PARP11: variants seen among roughly 807,000 people sequenced by gnomAD.
PARP11 encodes poly(ADP-ribose) polymerase family member 11.
PARP11 carries 31 observed loss-of-function variants against 42.9 expected under a neutral mutation model. The ratio of observed to expected loss-of-function variants is 0.72; its 90% CI spans 0.54 to 0.98. PARP11 has a LOEUF of 0.98. PARP11 is among the 50% of genes least tolerant of loss of function. The pLI, the probability that PARP11 is intolerant of heterozygous loss-of-function variation, is 0.00. For missense variants in PARP11, 365 were observed against 413.1 expected (o/e 0.88, Z 1.01); for synonymous variants, 137 against 127.3 (o/e 1.08, Z -0.51).
At chr12:3,863,010 T>C (rs73045099) in intron 1 of PARP11, among the ~76,000 whole-genome samples, 12,924 of 152,238 alleles carry the variant, frequency 0.085, 723 homozygotes, top group Non-Finnish European at 0.13. Context: ...ATGAATAAAT[T>C]ATATCTTTCG....
At chr12:3,847,125 TAAAG>T (rs1234994154) in intron 1 of PARP11, among the ~76,000 whole-genome samples, 8 of 151,580 alleles carry the variant, frequency 5.3e-5, no homozygotes, top group Admixed American at 2.6e-4. Context: ...AGAGGAAAAA[TAAAG>T]AAAATTAAAC....
chr12:3,841,527 T>C (rs1211999078), intron 1 of PARP11: 11 of 1,592,154 alleles, frequency 6.9e-6, no homozygotes, highest in East Asian at 2.2e-5. Flanking sequence ...AGCCAGTGAT[T>C]GGACCGCCGA....
At chr12:3,867,176 ACT>A (rs1487210021) in intron 1 of PARP11, among the ~76,000 whole-genome samples, 1 of 152,202 alleles carries the variant, frequency 6.6e-6, no homozygotes, top group Non-Finnish European at 1.5e-5. Flanking sequence ...AAAAACATAC[ACT>A]GTTATGTTAC....
intron 1 of PARP11, among the ~76,000 whole-genome samples, chr12:3,830,247 T>C (rs1165221505): frequency 6.6e-6 from 1 of 152,198 alleles, no homozygotes; most frequent in East Asian, 1.9e-4. Context: ...AGGTAGAATA[T>C]GCCAGTGTCT....
intron 1 of PARP11, chr12:3,842,513 C>T: frequency 3.5e-5 from 55 of 1,577,594 alleles, no homozygotes; most frequent in Non-Finnish European, 4.7e-5. Context: ...GGACAGCACG[C>T]TTGACGGTTG....
rs1216247351 is a variant in PARP11 at position 3,809,887 on chromosome 12, TC to T, written c.*2235del. The T allele has an allele frequency of 6.6e-6, 1 of 152,186 alleles. No homozygotes were observed. Among genetic ancestry groups the T allele is most frequent in the Non-Finnish European group, 1.5e-5 (1 of 68,030 alleles). 9.4% of individuals were successfully genotyped at this position (152,186 alleles called of 1,614,324 possible). On this transcript the variant is annotated 3_prime_UTR_variant, in exon 8 of 8. Transcript: ENST00000228820. ...TTTTCTAAATATTCTCAGCACTTCATCTAAACCAGCAGCTGGGGTGCATACC... is the reference window on the plus strand; with the variant it reads ...TTTTCTAAATATTCTCAGCACTTCATTAAACCAGCAGCTGGGGTGCATACC...
chr12:3,845,032 G>T (rs1378496415), intron 1 of PARP11, among the ~76,000 whole-genome samples: 1 of 148,358 alleles, frequency 6.7e-6, no homozygotes, highest in African/African-American at 2.5e-5. Flanking sequence ...TTTTGAGTTG[G>T]AAATTATGAA....
chr12:3,809,715 G>T lies in PARP11; in HGVS notation c.*2408C>A, dbSNP rs1186494762. 6.6e-6 allele frequency: 1 copy of T among 152,166 alleles called. No individual in the cohort carries two copies. The highest frequency in any genetic ancestry group is 2.4e-5 in the African/African-American group (1 of 41,442). The allele number at this position is 152,166 out of a possible 1,614,324, so 9.4% of individuals were successfully genotyped here. ...TAAATTACAAATAAATCGAAAAAAA[G>T]ATTTTCAAAACCTGAATTCCTAATG... On this transcript the variant is annotated 3_prime_UTR_variant, in exon 8 of 8. Coordinates refer to ENST00000228820, the MANE Select transcript of PARP11 (RefSeq NM_020367.6).
At chr12:3,865,826 G>A (rs1278122739) in intron 1 of PARP11, among the ~76,000 whole-genome samples, 2 of 147,768 alleles carry the variant, frequency 1.4e-5, no homozygotes, top group African/African-American at 4.9e-5. Context: ...TGGGGTGTTT[G>A]ATCCATTTAC....
intron 1 of PARP11, among the ~76,000 whole-genome samples, chr12:3,836,152 C>T (rs1947756835): frequency 6.6e-6 from 1 of 151,720 alleles, no homozygotes; most frequent in African/African-American, 2.4e-5. Context: ...CAAATGCAGA[C>T]ACATCAAAGT....
At chr12:3,862,198 C>G (rs963648409) in intron 1 of PARP11, among the ~76,000 whole-genome samples, 1 of 152,040 alleles carries the variant, frequency 6.6e-6, no homozygotes, top group African/African-American at 2.4e-5. Context: ...GAGGCTGCAC[C>G]CAGAAGATTG....
chr12:3,812,350 T>G lies in PARP11; in HGVS notation c.790A>C (p.Ser264Arg), dbSNP rs964634885. ...HGNTFQIHGVSLQQRHLFRTY... is the reference protein window; with the variant it reads ...HGNTFQIHGVRLQQRHLFRTY... ...CTAAACAGATGCCGCTGTTGCAAGC[T>G]GACACCATGAATTTGGAATGTGTTC... is the stretch of plus-strand genomic sequence containing the variant. The change falls in exon 8 of 8, where the codon AGC (serine) becomes CGC (arginine). Residue 264 changes from serine (S) to arginine (R), a missense_variant. By Grantham distance (110) the Ser-to-Arg change is moderately radical. Coordinates refer to ENST00000228820, the MANE Select transcript of PARP11 (RefSeq NM_020367.6). 1 of 1,614,178 alleles carries G rather than the reference T, an allele frequency of 6.2e-7. No homozygotes were observed. Among genetic ancestry groups the G allele is most frequent in the Non-Finnish European group, 8.5e-7 (1 of 1,179,988 alleles).
At chr12:3,833,812 C>A (rs1242256057) in intron 1 of PARP11, among the ~76,000 whole-genome samples, 1 of 152,132 alleles carries the variant, frequency 6.6e-6, no homozygotes, top group Non-Finnish European at 1.5e-5. Flanking sequence ...TATTATGAAG[C>A]CTCTACCTGC....
At position 3,822,171 on chromosome 12, in the gene PARP11, A is replaced by G. The variant is rs769781506; in HGVS notation, c.345-14T>C. The G allele has an allele frequency of 4.4e-6, 7 of 1,601,614 alleles. No homozygotes were observed. Among genetic ancestry groups the G allele is most frequent in the Non-Finnish European group, 6.0e-6 (7 of 1,169,674 alleles). Reference sequence around the variant, plus strand: ...TCACAGATGTAACTTGAAACAGCAAAAGAGAAAACAAAATATCAGAAGCCG... The same window carrying G: ...TCACAGATGTAACTTGAAACAGCAAGAGAGAAAACAAAATATCAGAAGCCG... On this transcript the variant is annotated splice_polypyrimidine_tract_variant and intron_variant, in intron 4 of 7. Coordinates refer to ENST00000228820, the MANE Select transcript of PARP11 (RefSeq NM_020367.6).
intron 1 of PARP11, among the ~76,000 whole-genome samples, chr12:3,867,357 G>A (rs1024639838): frequency 2.6e-5 from 4 of 152,260 alleles, no homozygotes; most frequent in Middle Eastern, 3.4e-3. Context: ...TTCTTCCCAC[G>A]CAAGTTTGCT....
chr12:3,851,570 A>G (rs1298292303), intron 1 of PARP11, among the ~76,000 whole-genome samples: 1 of 152,186 alleles, frequency 6.6e-6, no homozygotes, highest in African/African-American at 2.4e-5. Flanking sequence ...GGTTTCCACC[A>G]TTGCTGAGGC....
In PARP11 at chr12:3,840,742, T is replaced by C. The variant is rs2138071649; in HGVS notation, c.19-10724A>G. 7.4e-7 allele frequency: 1 copy of C among 1,342,738 alleles called. No individual in the cohort carries two copies. Among genetic ancestry groups the C allele is most frequent in the Non-Finnish European group, 1.1e-6 (1 of 932,374 alleles). The allele number at this position is 1,342,738 out of a possible 1,614,324, so 83.2% of individuals were successfully genotyped here. On this transcript the variant is annotated intron_variant, in intron 1 of 7. Coordinates refer to ENST00000228820, the MANE Select transcript of PARP11 (RefSeq NM_020367.6). This position sits in a 1 kb window ranked among gnomAD's most constrained non-coding sequence, Gnocchi z 4.4. The stretch of plus-strand genomic sequence containing the variant: ...ACAAAGACTCTATTCATGGACATAG[T>C]TGGATAAAAGACCCGAACCAAGCAT...
chr12:3,821,704 C>G (rs964667426), intron 6 of PARP11, among the ~76,000 whole-genome samples, 169 bp downstream of exon 6: 1 of 152,200 alleles, frequency 6.6e-6, no homozygotes, highest in Non-Finnish European at 1.5e-5. Context: ...GTTTACAGAG[C>G]ACCTCTTTCA....
intron 1 of PARP11, among the ~76,000 whole-genome samples, chr12:3,835,179 A>C (rs1947732092): frequency 6.6e-6 from 1 of 152,202 alleles, no homozygotes. Context: ...CCACACACAC[A>C]TTTAACACTT....
Sources: gnomAD v4.1 joint callset for allele counts (sites outside exome capture counted in the v4.1 genomes callset) on GRCh38, gnomAD v4.1.1 for gene constraint, Gnocchi (gnomAD v3.1) non-coding constraint, MANE v1.5 for transcripts, NCBI Gene and HGNC (gene_info 2026-07-23, HGNC 2026-07-21) for gene names.